Variants in KIAA1217 observed in about 807,000 individuals in gnomAD.
KIAA1217 encodes sickle tail protein homolog.
In KIAA1217, 88 loss-of-function variants were observed where a neutral mutation model predicts 163.9. That is an observed-to-expected ratio of 0.54 (90% CI 0.45 to 0.64). KIAA1217 has a LOEUF of 0.64. KIAA1217 is among the 30% of genes least tolerant of loss of function. The pLI is 0.00. For missense variants in KIAA1217, 2,372 were observed against 2,475.0 expected (o/e 0.96, Z 0.88); for synonymous variants, 903 against 923.1 (o/e 0.98, Z 0.39).
intron 1 of KIAA1217, among the ~76,000 whole-genome samples, chr10:23,701,911 A>G (rs1483276204): frequency 6.6e-6 from 1 of 152,192 alleles, no homozygotes; most frequent in Admixed American, 6.5e-5. Flanking sequence ...GACTCCACAA[A>G]TAGCACCTTC....
In KIAA1217 at chr10:24,219,818, G is replaced by T; in HGVS notation, c.263G>T (p.Arg88Leu). Reference protein sequence around the residue: ...ILGMQTSEMDRKREAFLEHLK... With the variant: ...ILGMQTSEMDLKREAFLEHLK... ...GGAATGCAAACATCTGAGATGGATC[G>T]GAAGAGAGAAGCGTTCCTAGAACAT... The change falls in exon 2 of 21, where the codon CGG becomes CTG. Residue 88 changes from arginine (R) to leucine (L), a missense_variant. Arg to Leu is a moderately radical substitution (Grantham distance 102). Transcript: ENST00000376454. The T allele has an allele frequency of 1.2e-6, 2 of 1,613,940 alleles. No homozygotes were observed. The highest frequency in any genetic ancestry group is 1.7e-6 in the Non-Finnish European group (2 of 1,179,922).
intron 1 of KIAA1217, among the ~76,000 whole-genome samples, chr10:23,712,194 T>G (rs1347612624): frequency 6.6e-6 from 1 of 152,072 alleles, no homozygotes; most frequent in Non-Finnish European, 1.5e-5. Context: ...AAAATTATGG[T>G]AGAAGTTTGC....
chr10:24,284,995 G>A (rs1014468701), intron 2 of KIAA1217, among the ~76,000 whole-genome samples: 1 of 152,142 alleles, frequency 6.6e-6, no homozygotes, highest in South Asian at 2.1e-4. Context: ...ATGATGATTA[G>A]CTTTTTTTCA....
intron 1 of KIAA1217, among the ~76,000 whole-genome samples, chr10:23,954,585 G>T (rs1273794179): frequency 6.6e-6 from 1 of 151,354 alleles, no homozygotes; most frequent in African/African-American, 2.4e-5. Context: ...AGGAAAGAAG[G>T]GAAGGGAAGG....
intron 2 of KIAA1217, among the ~76,000 whole-genome samples, chr10:24,054,014 T>C (rs557171038): frequency 2.6e-5 from 4 of 152,280 alleles, no homozygotes; most frequent in African/African-American, 9.6e-5. Context: ...TTTGTTCATG[T>C]TTCTCTTCCA....
chr10:23,943,867 A>G (rs12356414), intron 1 of KIAA1217, among the ~76,000 whole-genome samples: 30,485 of 152,180 alleles, frequency 0.2, 3,315 homozygotes, highest in Middle Eastern at 0.27. Context: ...CATGACGTGG[A>G]AACAACTGGA....
At chr10:23,871,829 C>G (rs1274135799) in intron 1 of KIAA1217, among the ~76,000 whole-genome samples, 2 of 152,134 alleles carry the variant, frequency 1.3e-5, no homozygotes, top group East Asian at 3.9e-4. Context: ...CTCATAGCAT[C>G]AAGAGTAATA....
At chr10:24,490,895 C>T (rs2066024318) in intron 6 of KIAA1217, among the ~76,000 whole-genome samples, 1 of 152,174 alleles carries the variant, frequency 6.6e-6, no homozygotes, top group Admixed American at 6.5e-5. Flanking sequence ...AGCCTTCACT[C>T]CCTTCCTCAC....
chr10:24,048,992 C>CTGCACTCCA (rs1271405656), intron 2 of KIAA1217, among the ~76,000 whole-genome samples: 2 of 139,094 alleles, frequency 1.4e-5, no homozygotes, highest in African/African-American at 2.8e-5. Flanking sequence ...GATTGTGCCA[C>CTGCACTCCA]TGCACTCCAG....
intron 2 of KIAA1217, among the ~76,000 whole-genome samples, chr10:24,075,119 T>TACAC (rs71397929): frequency 0.016 from 2,153 of 131,532 alleles, 13 homozygotes; most frequent in East Asian, 0.032. Flanking sequence ...TCCCCCTAAA[T>TACAC]ACACACACAC....
intron 3 of KIAA1217, among the ~76,000 whole-genome samples, chr10:24,424,483 GC>G (rs2059021896): frequency 6.6e-6 from 1 of 152,226 alleles, no homozygotes; most frequent in Admixed American, 6.5e-5. Flanking sequence ...CCTGGCACAG[GC>G]CTGGCACAAG....
At chr10:24,244,310 A>T (rs2073487923) in intron 2 of KIAA1217, among the ~76,000 whole-genome samples, 1 of 152,190 alleles carries the variant, frequency 6.6e-6, no homozygotes, top group Non-Finnish European at 1.5e-5. Context: ...AGGGATTTCT[A>T]GAAGCTCTTT....
chr10:24,409,046 T>C (rs1007639524), intron 3 of KIAA1217, among the ~76,000 whole-genome samples: 5 of 152,232 alleles, frequency 3.3e-5, no homozygotes, highest in Non-Finnish European at 7.3e-5. Context: ...GCGTGGATGA[T>C]ACAGTAGTTT....
intron 2 of KIAA1217, among the ~76,000 whole-genome samples, chr10:24,378,914 A>G (rs1283424796): frequency 6.6e-6 from 1 of 152,208 alleles, no homozygotes; most frequent in African/African-American, 2.4e-5. Context: ...CTACTTACCT[A>G]CCACTACGAT....
intron 1 of KIAA1217, among the ~76,000 whole-genome samples, chr10:23,703,109 T>C (rs529704436): frequency 9.9e-5 from 15 of 152,264 alleles, no homozygotes; most frequent in African/African-American, 3.6e-4. Context: ...CCCTGGTTAA[T>C]GCCAGGAACT....
At chr10:24,031,659 A>G (rs927169964) in intron 2 of KIAA1217, among the ~76,000 whole-genome samples, 3 of 152,054 alleles carry the variant, frequency 2.0e-5, no homozygotes, top group African/African-American at 7.3e-5. Context: ...GTGCAATTTC[A>G]CATTCAAAAA....
intron 2 of KIAA1217, among the ~76,000 whole-genome samples, chr10:24,293,350 CG>C (rs1238902022): frequency 6.6e-6 from 1 of 152,148 alleles, no homozygotes; most frequent in Non-Finnish European, 1.5e-5. Context: ...GGATTACAGG[CG>C]TGAGCCACCG....
At chr10:23,869,124 G>GTTTTTTTTTTTTTTTTTTTTT (rs58288361) in intron 1 of KIAA1217, among the ~76,000 whole-genome samples, 6 of 31,724 alleles carry the variant, frequency 1.9e-4, no homozygotes, top group African/African-American at 4.8e-4. Context: ...ATGAAATGTA[G>GTTTTTTTTTTTTTTTTTTTTT]TTTTTTTTTT....
At chr10:23,893,402 C>T (rs1236542407) in intron 1 of KIAA1217, among the ~76,000 whole-genome samples, 1 of 151,912 alleles carries the variant, frequency 6.6e-6, no homozygotes, top group African/African-American at 2.4e-5. Context: ...ATTAGTCTTG[C>T]TAGTGGTCTA....
Sources: gnomAD v4.1 joint callset for allele counts (sites outside exome capture counted in the v4.1 genomes callset) on GRCh38, gnomAD v4.1.1 for gene constraint, MANE v1.5 for transcripts, NCBI Gene and HGNC (gene_info 2026-07-23, HGNC 2026-07-21) for gene names.